The following CD99 variants were observed in gnomAD, a reference collection of about 807,000 sequenced individuals.
CD99 encodes the protein CD99 molecule (Xg blood group), also known as CD99 antigen.
CD99 carries 19 observed loss-of-function variants against 28.4 expected under a neutral mutation model. That is an observed-to-expected ratio of 0.67 (90% CI 0.47 to 0.98). The LOEUF is 0.98. Among genes scored for constraint, CD99 ranks in the 50% least tolerant of loss-of-function variants. The pLI is 0.00. For missense variants in CD99, 283 were observed against 248.8 expected, an observed-to-expected ratio of 1.14 and a Z score of -0.92; for synonymous variants, 103 against 92.1, an observed-to-expected ratio of 1.12 and a Z score of -0.67.
chrX:2,728,873 A>C (rs760657093), intron 8 of CD99, among the ~76,000 whole-genome samples: 1 of 121,008 alleles, frequency 8.3e-6, no homozygotes, highest in Non-Finnish European at 1.6e-5. Context: ...GTCTCGCTCT[A>C]TCGCCCAGAA....
chrX:2,739,304 A>G (rs1264658234), intron 9 of CD99, among the ~76,000 whole-genome samples: 1 of 152,118 alleles, frequency 6.6e-6, no homozygotes, highest in Non-Finnish European at 1.5e-5. Context: ...GCAAGAAAAA[A>G]ATGTGTGTGT....
chrX:2,712,125 A>G (rs191072980), intron 1 of CD99, among the ~76,000 whole-genome samples: 16 of 152,276 alleles, frequency 1.1e-4, no homozygotes, highest in African/African-American at 3.9e-4. Context: ...CCGAGCACAG[A>G]AAGACAAATA....
At chrX:2,710,478 TTAAAA>T (rs1208792268) in intron 1 of CD99, among the ~76,000 whole-genome samples, 3 of 148,692 alleles carry the variant, frequency 2.0e-5, no homozygotes, top group Non-Finnish European at 4.4e-5. Flanking sequence ...AGGGTTACAC[TTAAAA>T]TAATATCTGT....
chrX:2,722,929 G>A (rs761562916), intron 6 of CD99, among the ~76,000 whole-genome samples: 8 of 152,328 alleles, frequency 5.3e-5, no homozygotes, highest in African/African-American at 1.7e-4. Flanking sequence ...GGGACAGGGC[G>A]TGATGAATGG....
intron 7 of CD99, 90 bp from the exon 8 acceptor site, chrX:2,726,170 A>G (rs778423173): frequency 5.3e-6 from 4 of 758,466 alleles, no homozygotes; most frequent in African/African-American, 1.7e-5. Flanking sequence ...TGGTGCTCTC[A>G]GACTGACTGT....
intron 3 of CD99, chrX:2,719,377 T>C (rs919383583): frequency 5.3e-5 from 22 of 416,614 alleles, no homozygotes; most frequent in Non-Finnish European, 8.0e-5. Context: ...ATTTATAAAT[T>C]ACTTTATTTC....
intron 9 of CD99, among the ~76,000 whole-genome samples, chrX:2,740,286 C>T (rs1247674161): frequency 2.6e-5 from 4 of 152,124 alleles, no homozygotes; most frequent in African/African-American, 7.2e-5. Context: ...ACTTGAAGGG[C>T]GTGGCATTCC....
Position 2,691,975 on chromosome X carries a change from A to T in CD99, c.67+548A>T, listed in dbSNP as rs2047327955. ...GAAAATGTTCAAAAATACTCTGTGG[A>T]TGCGGGCTCCGGGAATTTCAGCGCG... On this transcript the variant is annotated intron_variant, in intron 1 of 9. Transcript: ENST00000381192. 6 of 764,260 alleles carry T rather than the reference A, an allele frequency of 7.9e-6. No individual in the cohort carries two copies. The East Asian group carries it at 1.5e-4, about 19-fold the overall frequency. The allele number at this position is 764,260 out of a possible 1,614,324, so 47.3% of individuals were successfully genotyped here.
intron 7 of CD99, 125 bp downstream of exon 7, chrX:2,723,489 GGTGTT>G: frequency 1.8e-6 from 2 of 1,097,644 alleles, no homozygotes; most frequent in Non-Finnish European, 2.8e-6. Flanking sequence ...AGGAGGCACG[GGTGTT>G]CTGTGCCAAG....
At chrX:2,735,709 G>A (rs2049895169) in intron 8 of CD99, among the ~76,000 whole-genome samples, 2 of 152,148 alleles carry the variant, frequency 1.3e-5, no homozygotes, top group South Asian at 2.1e-4. Flanking sequence ...ACTTGTGACT[G>A]GCAGAACAAA....
intron 1 of CD99, among the ~76,000 whole-genome samples, chrX:2,713,877 G>A (rs2048562451): frequency 6.6e-6 from 1 of 152,190 alleles, no homozygotes; most frequent in African/African-American, 2.4e-5. Context: ...CGTTGAAGTA[G>A]CATTGAAATT....
intron 8 of CD99, among the ~76,000 whole-genome samples, chrX:2,728,200 CTTTTTT>C (rs892410632): frequency 9.3e-6 from 1 of 107,002 alleles, no homozygotes; most frequent in African/African-American, 3.9e-5. Context: ...TTGGTTGTTT[CTTTTTT>C]TTTTTTTTTT....
chrX:2,712,999 C>T (rs1336091810), intron 1 of CD99, among the ~76,000 whole-genome samples: 1 of 151,394 alleles, frequency 6.6e-6, no homozygotes. Flanking sequence ...CACAAATGCA[C>T]ACACCCACAC....
At chrX:2,737,901 T>A (rs2050026719) in intron 8 of CD99, 1 of 597,462 alleles carries the variant, frequency 1.7e-6, no homozygotes, top group South Asian at 1.9e-5. Flanking sequence ...CATGTGCGTG[T>A]TCCTCAGTGT....
At chrX:2,698,506 G>T (rs1356668464) in intron 1 of CD99, among the ~76,000 whole-genome samples, 1 of 151,876 alleles carries the variant, frequency 6.6e-6, no homozygotes, top group African/African-American at 2.4e-5. Flanking sequence ...TCACTCTGTC[G>T]CCCAGGCTGA....
intron 8 of CD99, 78 bp from the exon 9 acceptor site, chrX:2,738,122 C>G (rs1243645164): frequency 7.4e-7 from 1 of 1,350,072 alleles, no homozygotes; most frequent in Non-Finnish European, 1.1e-6. Flanking sequence ...CAGGAAAGCC[C>G]AAGTGTTTTG....
At chrX:2,739,942 A>T (rs1487979006) in intron 9 of CD99, among the ~76,000 whole-genome samples, 4 of 149,756 alleles carry the variant, frequency 2.7e-5, no homozygotes, top group Admixed American at 6.6e-5. Flanking sequence ...AAAAAAAAAA[A>T]TTAGCCAGGC....
intron 1 of CD99, among the ~76,000 whole-genome samples, chrX:2,711,368 AGTAT>A (rs1052072684): frequency 1.3e-4 from 19 of 149,010 alleles, no homozygotes; most frequent in Non-Finnish European, 2.2e-4. Context: ...GTGTATATAC[AGTAT>A]GTATGTATAT....
intron 1 of CD99, among the ~76,000 whole-genome samples, chrX:2,692,825 A>T (rs908819246): frequency 6.6e-6 from 1 of 152,070 alleles, no homozygotes. Context: ...CTTCTTTTGC[A>T]CCTACTGTGG....
Sources: gnomAD v4.1 joint callset for allele counts (sites outside exome capture counted in the v4.1 genomes callset) on GRCh38, gnomAD v4.1.1 for gene constraint, MANE v1.5 for transcripts, NCBI Gene and HGNC (gene_info 2026-07-23, HGNC 2026-07-21) for gene names.